Variants in CADM2 observed in about 807,000 individuals in gnomAD.
CADM2 encodes immunoglobulin superfamily member 4D.
A neutral mutation model predicts 49.8 loss-of-function variants in CADM2; 12 were observed. The ratio of observed to expected loss-of-function variants is 0.24; its 90% CI spans 0.15 to 0.39. CADM2 has a LOEUF of 0.39. CADM2 is among the 10% of genes least tolerant of loss of function. CADM2 has a pLI of 1.00. For missense variants in CADM2, 378 were observed against 492.3 expected, an observed-to-expected ratio of 0.77 and a Z score of 2.20; for synonymous variants, 214 against 175.4, an observed-to-expected ratio of 1.22 and a Z score of -1.74.
chr3:85,898,955 A>ATATATATATATTT (rs1475991339), intron 5 of CADM2, among the ~76,000 whole-genome samples: 2 of 33,914 alleles, frequency 5.9e-5, no homozygotes, highest in African/African-American at 2.9e-4. Flanking sequence ...ATATATATAT[A>ATATATATATATTT]TTTTTTTTTT....
chr3:85,609,402 A>G (rs1167049330), intron 1 of CADM2, among the ~76,000 whole-genome samples: 3 of 152,112 alleles, frequency 2.0e-5, no homozygotes, highest in Non-Finnish European at 2.9e-5. Flanking sequence ...AGAACAGTAT[A>G]TGATAGATTG....
chr3:85,715,445 C>A (rs1418590071), intron 1 of CADM2, among the ~76,000 whole-genome samples: 1 of 152,016 alleles, frequency 6.6e-6, no homozygotes, highest in Non-Finnish European at 1.5e-5. Flanking sequence ...CATTAGAACA[C>A]CCTGAAAATT....
chr3:85,341,171 C>T (rs1000220536), intron 1 of CADM2, among the ~76,000 whole-genome samples: 3 of 151,566 alleles, frequency 2.0e-5, no homozygotes, highest in African/African-American at 4.8e-5. Flanking sequence ...AATATAAAAA[C>T]ACTAAGCATA....
intron 8 of CADM2, among the ~76,000 whole-genome samples, chr3:86,001,981 A>C (rs1447685953): frequency 6.6e-6 from 1 of 152,054 alleles, no homozygotes; most frequent in Non-Finnish European, 1.5e-5. Flanking sequence ...AAATTGGTCA[A>C]GAAAATTGGA....
At chr3:84,984,399 C>T (rs2032424159) in intron 1 of CADM2, among the ~76,000 whole-genome samples, 1 of 142,484 alleles carries the variant, frequency 7.0e-6, no homozygotes, top group Non-Finnish European at 1.5e-5. Flanking sequence ...TTGAGGCTGT[C>T]CTTAACCCCT....
intron 1 of CADM2, among the ~76,000 whole-genome samples, chr3:85,293,928 G>A (rs1467174968): frequency 6.6e-6 from 1 of 152,026 alleles, no homozygotes; most frequent in Non-Finnish European, 1.5e-5. Flanking sequence ...AGTGTTGGAA[G>A]TTCTGGCCAG....
At chr3:85,286,016 G>A (rs936394487) in intron 1 of CADM2, among the ~76,000 whole-genome samples, 1 of 152,088 alleles carries the variant, frequency 6.6e-6, no homozygotes, top group African/African-American at 2.4e-5. Context: ...TGACTTTGAA[G>A]GCTTCTCTAG....
chr3:85,559,792 T>C lies in CADM2; in HGVS notation c.62-166730T>C, dbSNP rs1242348898. Among the ~76,000 whole-genome samples the C allele has an allele frequency of 2.6e-5, 4 of 151,998 alleles. No homozygotes were observed. The East Asian group carries it at 7.7e-4, about 29-fold the overall frequency. Reference sequence around the variant, plus strand: ...TCTTGAGTCTGAAAACAAGCCAAGATTTATTGGAAGGTGAAGAGAAGGAAA... The same window carrying C: ...TCTTGAGTCTGAAAACAAGCCAAGACTTATTGGAAGGTGAAGAGAAGGAAA... On this transcript the variant is annotated intron_variant, in intron 1 of 9. Transcript: ENST00000383699.
chr3:86,043,355 T>C (rs2107263139), intron 8 of CADM2, among the ~76,000 whole-genome samples: 1 of 152,316 alleles, frequency 6.6e-6, no homozygotes, highest in South Asian at 2.1e-4. Context: ...CAAAATCTCC[T>C]TAAGCTGATA....
intron 1 of CADM2, among the ~76,000 whole-genome samples, chr3:85,347,727 C>T (rs997741259): frequency 1.9e-4 from 29 of 150,548 alleles, no homozygotes; most frequent in East Asian, 1.2e-3. Context: ...CTGCAACTTC[C>T]GCCTTCCAGG....
chr3:85,672,279 G>A (rs1055485850), intron 1 of CADM2, among the ~76,000 whole-genome samples: 12 of 141,870 alleles, frequency 8.5e-5, no homozygotes, highest in African/African-American at 1.3e-4. Flanking sequence ...TGCAAGCTCC[G>A]CCTCCCGGGT....
intron 1 of CADM2, among the ~76,000 whole-genome samples, chr3:85,445,068 T>A (rs1032074018): frequency 9.2e-5 from 14 of 152,276 alleles, no homozygotes; most frequent in Middle Eastern, 3.4e-3. Flanking sequence ...GTACATATAC[T>A]GTGTATATAG....
Position 86,013,421 on chromosome 3 carries a change from T to C in CADM2, c.970+51774T>C, listed in dbSNP as rs114036535. 11,741 of 1,560,700 alleles carry C rather than the reference T, an allele frequency of 7.5e-3. 726 individuals carry two copies. The African/African-American group carries it at 0.14, about 18-fold the overall frequency. On this transcript the variant is annotated intron_variant, in intron 8 of 9. Transcript: ENST00000383699. ...AGGAGGCCGAAGAAATCCCAGAAGG[T>C]CTCTTTACCCTAGATAACTTTCAAG...
chr3:85,119,044 C>T (rs116325787), intron 1 of CADM2, among the ~76,000 whole-genome samples: 4,209 of 152,262 alleles, frequency 0.028, 184 homozygotes, highest in African/African-American at 0.095. Context: ...CCACCACACC[C>T]AGCCTGTCCA....
chr3:85,350,463 A>G (rs2031232240), intron 1 of CADM2, among the ~76,000 whole-genome samples: 1 of 152,184 alleles, frequency 6.6e-6, no homozygotes, highest in Non-Finnish European at 1.5e-5. Context: ...GTATTTCTGC[A>G]TCCTTCTACC....
chr3:85,509,770 C>T (rs1362860024), intron 1 of CADM2, among the ~76,000 whole-genome samples: 3 of 151,976 alleles, frequency 2.0e-5, no homozygotes, highest in Non-Finnish European at 2.9e-5. Flanking sequence ...AACAGCCTGG[C>T]ACAGTTAAAA....
At chr3:85,699,327 A>G (rs1317927268) in intron 1 of CADM2, among the ~76,000 whole-genome samples, 1 of 152,102 alleles carries the variant, frequency 6.6e-6, no homozygotes, top group East Asian at 1.9e-4. Context: ...TCACAGCTCC[A>G]CTAGATAGTG....
chr3:85,235,453 A>C (rs985597435), intron 1 of CADM2, among the ~76,000 whole-genome samples: 1 of 152,148 alleles, frequency 6.6e-6, no homozygotes, highest in Non-Finnish European at 1.5e-5. Context: ...AGAATTGATT[A>C]TAAATGTTCA....
intron 1 of CADM2, among the ~76,000 whole-genome samples, chr3:85,044,466 C>T (rs1162162695): frequency 1.3e-5 from 2 of 152,168 alleles, no homozygotes; most frequent in Non-Finnish European, 2.9e-5. Flanking sequence ...AGGATCTGTT[C>T]TCTCTGCATT....
Sources: gnomAD v4.1 joint callset for allele counts (sites outside exome capture counted in the v4.1 genomes callset) on GRCh38, gnomAD v4.1.1 for gene constraint, MANE v1.5 for transcripts, NCBI Gene and HGNC (gene_info 2026-07-23, HGNC 2026-07-21) for gene names.